PELI2: variants seen among roughly 807,000 people sequenced by gnomAD.
PELI2 encodes E3 ubiquitin-protein ligase pellino homolog 2.
In PELI2, 23 loss-of-function variants were observed where a neutral mutation model predicts 42.3. The ratio of observed to expected loss-of-function variants is 0.54; its 90% confidence interval spans 0.39 to 0.77. PELI2 has a LOEUF of 0.77. Ranked by LOEUF, PELI2 falls within the 30% of genes least tolerant of loss-of-function variation. The probability of loss-of-function intolerance (pLI) is 0.00; values close to 1 mark genes in which losing one functional copy is unlikely to be tolerated. For synonymous variants in PELI2, 245 were observed against 212.2 expected (o/e 1.15, Z -1.34); for missense variants, 463 against 553.2 (o/e 0.84, Z 1.64).
chr14:56,216,328 CGTGAAGTTACACTGT>C (rs1332436361), intron 2 of PELI2, among the ~76,000 whole-genome samples: 1 of 152,216 alleles, frequency 6.6e-6, no homozygotes, highest in Non-Finnish European at 1.5e-5. Flanking sequence ...CTAAGCCAGT[CGTGAAGTTACACTGT>C]GTTCAATCTT....
At chr14:56,235,705 A>G (rs1304713681) in intron 2 of PELI2, among the ~76,000 whole-genome samples, 1 of 152,220 alleles carries the variant, frequency 6.6e-6, no homozygotes, top group Non-Finnish European at 1.5e-5. Context: ...TTTCAATTTT[A>G]TAGAAGGATG....
intron 2 of PELI2, among the ~76,000 whole-genome samples, chr14:56,204,838 T>C (rs12184994): frequency 0.4 from 61,014 of 151,580 alleles, 12,990 homozygotes; most frequent in South Asian, 0.53. Context: ...GAGACCATCG[T>C]GGCTAACATG....
At chr14:56,146,814 C>A (rs1400305333) in intron 1 of PELI2, among the ~76,000 whole-genome samples, 1 of 150,112 alleles carries the variant, frequency 6.7e-6, no homozygotes, top group Non-Finnish European at 1.5e-5. Flanking sequence ...CTGAGGTGTT[C>A]TTTATATGCC....
At chr14:56,205,585 C>T (rs1176556319) in intron 2 of PELI2, among the ~76,000 whole-genome samples, 1 of 152,054 alleles carries the variant, frequency 6.6e-6, no homozygotes, top group South Asian at 2.1e-4. Context: ...TAGATAAAGG[C>T]AGTAATTCTA....
Position 56,288,688 on chromosome 14 carries a change from A to T in PELI2, c.507+54A>T. ...CTAGAAAAATGCTTGTGATTATGAT[A>T]TGGAACATTTAATTGGAGCAAAAAA... On this transcript the variant is annotated intron_variant, in intron 4 of 5. Transcript: ENST00000267460. This position sits in a 1 kb window ranked among gnomAD's most constrained non-coding sequence, Gnocchi z 4.6. 1.5e-6 allele frequency: 2 copies of T among 1,357,398 alleles called. No individual in the cohort carries two copies. The highest frequency in any genetic ancestry group is 1.0e-6 in the Non-Finnish European group (1 of 988,290). 84.1% of individuals were successfully genotyped at this position (1,357,398 alleles called of 1,614,324 possible).
chr14:56,294,368 T>G (rs1889931905), intron 5 of PELI2, among the ~76,000 whole-genome samples: 1 of 152,154 alleles, frequency 6.6e-6, no homozygotes, highest in Non-Finnish European at 1.5e-5. Flanking sequence ...GGACTCCAGC[T>G]CCTTGCAGCT....
At position 56,274,172 on chromosome 14, in the gene PELI2, G is replaced by A. The variant is rs372873802; in HGVS notation, c.208-5504G>A. Among the ~76,000 whole-genome samples, 88 of 147,376 alleles carry A rather than the reference G, an allele frequency of 6.0e-4. 1 individual carries two copies. The highest frequency in any genetic ancestry group is 2.1e-3 in the African/African-American group (83 of 38,896). On this transcript the variant is annotated intron_variant, in intron 2 of 5. Transcript: ENST00000267460. ...AGCGTGGATGTCGTCAGGCTTTTTC[G>A]CAGGAAGCCAGCTCAGCCAGCAGGG...
At chr14:56,165,837 T>A (rs1442208792) in intron 1 of PELI2, among the ~76,000 whole-genome samples, 1 of 152,200 alleles carries the variant, frequency 6.6e-6, no homozygotes. Context: ...CAACTCCTGC[T>A]CTTTTTTGGT....
At chr14:56,136,679 A>G (rs1883698258) in intron 1 of PELI2, among the ~76,000 whole-genome samples, 1 of 152,200 alleles carries the variant, frequency 6.6e-6, no homozygotes, top group Non-Finnish European at 1.5e-5. Context: ...TAATTGATGC[A>G]TAAAGCGCAG....
intron 2 of PELI2, among the ~76,000 whole-genome samples, chr14:56,253,035 G>C (rs1378316515): frequency 2.0e-5 from 3 of 152,168 alleles, no homozygotes; most frequent in Non-Finnish European, 4.4e-5. Context: ...TGGGATGCAA[G>C]GCTGGTTCAA....
At chr14:56,207,822 G>A (rs1169971194) in intron 2 of PELI2, among the ~76,000 whole-genome samples, 1 of 152,200 alleles carries the variant, frequency 6.6e-6, no homozygotes, top group Non-Finnish European at 1.5e-5. Flanking sequence ...CAGAGAGCAG[G>A]AACTCTGAGC....
chr14:56,247,638 C>T (rs1175739003), intron 2 of PELI2, among the ~76,000 whole-genome samples: 1 of 152,206 alleles, frequency 6.6e-6, no homozygotes, highest in African/African-American at 2.4e-5. Context: ...TCGTTAACAT[C>T]TTGAAAATCA....
intron 2 of PELI2, among the ~76,000 whole-genome samples, chr14:56,203,452 AGT>A (rs148938211): frequency 2.0e-5 from 3 of 151,314 alleles, no homozygotes; most frequent in Admixed American, 6.6e-5. Context: ...CACACATACT[AGT>A]GTGTGTGTGT....
intron 1 of PELI2, among the ~76,000 whole-genome samples, chr14:56,172,875 C>T (rs1885231101): frequency 6.6e-6 from 1 of 152,206 alleles, no homozygotes; most frequent in Non-Finnish European, 1.5e-5. Flanking sequence ...TGATTAGACA[C>T]TGTTGAAATT....
At chr14:56,130,272 G>A (rs1295307049) in intron 1 of PELI2, among the ~76,000 whole-genome samples, 1 of 152,094 alleles carries the variant, frequency 6.6e-6, no homozygotes, top group Non-Finnish European at 1.5e-5. Flanking sequence ...AGCAAGGGAG[G>A]TAGGTACCAT....
chr14:56,234,740 T>TA (rs1887723947), intron 2 of PELI2, among the ~76,000 whole-genome samples: 1 of 129,716 alleles, frequency 7.7e-6, no homozygotes, highest in Admixed American at 8.3e-5. Flanking sequence ...CCCTAGAACT[T>TA]AAAGTATTTT....
chr14:56,152,303 G>T (rs908824197), intron 1 of PELI2, among the ~76,000 whole-genome samples: 5 of 152,254 alleles, frequency 3.3e-5, no homozygotes, highest in African/African-American at 1.2e-4. Flanking sequence ...TCATAAAATG[G>T]GGGTAATAGG....
At chr14:56,209,578 GT>G (rs1038248526) in intron 2 of PELI2, among the ~76,000 whole-genome samples, 1 of 151,956 alleles carries the variant, frequency 6.6e-6, no homozygotes, top group African/African-American at 2.4e-5. Context: ...GGTTACTATT[GT>G]TTTTTGTAAG....
chr14:56,147,950 G>A (rs1057022809), intron 1 of PELI2, among the ~76,000 whole-genome samples: 1 of 152,232 alleles, frequency 6.6e-6, no homozygotes, highest in Non-Finnish European at 1.5e-5. Context: ...CCTGGGAACA[G>A]TTCAGTTTAG....
Sources: allele counts gnomAD v4.1 joint callset (sites outside exome capture counted in the v4.1 genomes callset), GRCh38; gene constraint gnomAD v4.1.1; non-coding constraint Gnocchi (gnomAD v3.1); transcripts MANE v1.5; gene names NCBI Gene and HGNC (gene_info 2026-07-23, HGNC 2026-07-21).